The following FBXO25 variants were observed in gnomAD, a reference collection of about 807,000 sequenced individuals.
The protein encoded by FBXO25 is F-box protein 25, also known as F-box only protein 25.
In FBXO25, 45 loss-of-function variants were observed where a neutral mutation model predicts 51.9. The ratio of observed to expected loss-of-function variants is 0.87; its 90% CI spans 0.68 to 1.11. The LOEUF is 1.11. FBXO25 is among the 50% of genes most tolerant of loss of function. FBXO25 has a pLI of 0.00. For synonymous variants in FBXO25, 199 were observed against 151.0 expected, an observed-to-expected ratio of 1.32 and a Z score of -2.33; for missense variants, 507 against 428.5, an observed-to-expected ratio of 1.18 and a Z score of -1.62.
At chr8:413,353 G>C (rs1227646910) in intron 2 of FBXO25, 140 bp downstream of exon 2, 2 of 1,328,622 alleles carry the variant, frequency 1.5e-6, no homozygotes, top group Non-Finnish European at 1.9e-6. Flanking sequence ...AAGTTGTTTA[G>C]CTAAAAAATG....
At chr8:409,149 A>C (rs963437574) in intron 1 of FBXO25, among the ~76,000 whole-genome samples, 1 of 152,168 alleles carries the variant, frequency 6.6e-6, no homozygotes, top group African/African-American at 2.4e-5. Context: ...TCCAGACCCC[A>C]GACGTTTTAA....
intron 6 of FBXO25, chr8:450,922 C>G: frequency 4.8e-6 from 1 of 208,884 alleles, no homozygotes; most frequent in Non-Finnish European, 9.4e-6. Flanking sequence ...CCCCATTCCT[C>G]CTCCCCACCA....
rs1444778152 is a variant in FBXO25 at position 477,146 on chromosome 8, G to C, written c.*8342G>C. ...GTTTCATCCCACTGTGGCCAGAAAA[G>C]ATATTTTATTTCCTCAGTCTTTTGA... On this transcript the variant is annotated 3_prime_UTR_variant, in exon 10 of 10. Coordinates refer to ENST00000350302, the MANE Select transcript of FBXO25 (RefSeq NM_183420.2). 1 of 152,164 alleles carries C rather than the reference G, an allele frequency of 6.6e-6. No homozygotes were observed. The highest frequency in any genetic ancestry group is 2.4e-5 in the African/African-American group (1 of 41,434). The allele number at this position is 152,164 out of a possible 1,614,324, so 9.4% of individuals were successfully genotyped here.
At chr8:455,729 C>A (rs1480128543) in intron 7 of FBXO25, among the ~76,000 whole-genome samples, 1 of 152,214 alleles carries the variant, frequency 6.6e-6, no homozygotes, top group Non-Finnish European at 1.5e-5. Flanking sequence ...TTTCTTCCTT[C>A]CAGTGCAGTG....
At chr8:409,755 T>A (rs951962128) in intron 1 of FBXO25, among the ~76,000 whole-genome samples, 3 of 152,162 alleles carry the variant, frequency 2.0e-5, no homozygotes, top group African/African-American at 7.2e-5. Flanking sequence ...TTTTTCTGTC[T>A]CCATGTTTTT....
rs1322116403 is a variant in FBXO25 at position 475,230 on chromosome 8, C to T, written c.*6426C>T. 1 of 278,094 alleles carries T rather than the reference C, an allele frequency of 3.6e-6. No individual in the cohort carries two copies. Among genetic ancestry groups the T allele is most frequent in the Admixed American group, 5.1e-5 (1 of 19,540 alleles). The allele number at this position is 278,094 out of a possible 1,614,324, so 17.2% of individuals were successfully genotyped here. ...TTTCTCCCTTGAATGGTCTTGGCAC[C>T]ATCAAAAATCATTTGACCCATATGT... is the stretch of plus-strand genomic sequence containing the variant. On this transcript the variant is annotated 3_prime_UTR_variant, in exon 10 of 10. Transcript: ENST00000350302.
intron 7 of FBXO25, among the ~76,000 whole-genome samples, chr8:455,573 ATC>A (rs1450119919): frequency 1.3e-5 from 2 of 152,188 alleles, no homozygotes; most frequent in African/African-American, 4.8e-5. Flanking sequence ...ACTCATCTGT[ATC>A]TCTGTTTTTT....
chr8:413,395 G>A (rs1489366084), intron 2 of FBXO25, among the ~76,000 whole-genome samples, 182 bp downstream of exon 2: 1 of 151,994 alleles, frequency 6.6e-6, no homozygotes, highest in Non-Finnish European at 1.5e-5. Context: ...TTCATACACA[G>A]ATGCTTTCGT....
At chr8:444,976 T>C (rs1461461979) in intron 5 of FBXO25, among the ~76,000 whole-genome samples, 1 of 152,244 alleles carries the variant, frequency 6.6e-6, no homozygotes, top group Non-Finnish European at 1.5e-5. Context: ...AAAAACTTCC[T>C]ACAATATTTG....
At chr8:409,565 A>G (rs1475196757) in intron 1 of FBXO25, among the ~76,000 whole-genome samples, 1 of 152,220 alleles carries the variant, frequency 6.6e-6, no homozygotes, top group African/African-American at 2.4e-5. Context: ...TGTTATAAAG[A>G]TTGTGAAACT....
At chr8:450,513 A>T (rs1799012583) in intron 6 of FBXO25, among the ~76,000 whole-genome samples, 1 of 152,198 alleles carries the variant, frequency 6.6e-6, no homozygotes, top group Admixed American at 6.5e-5. Flanking sequence ...TTTAAATTTC[A>T]CACCATGACT....
intron 1 of FBXO25, among the ~76,000 whole-genome samples, chr8:409,556 G>A (rs529463112): frequency 6.6e-6 from 1 of 152,296 alleles, no homozygotes; most frequent in East Asian, 1.9e-4. Flanking sequence ...TTATGTAAAT[G>A]TTATAAAGAT....
intron 2 of FBXO25, among the ~76,000 whole-genome samples, chr8:417,280 A>T (rs897515006): frequency 7.9e-5 from 12 of 152,204 alleles, no homozygotes; most frequent in African/African-American, 2.9e-4. Flanking sequence ...CCTATGCTTT[A>T]ACAGGATTAT....
intron 7 of FBXO25, among the ~76,000 whole-genome samples, chr8:455,434 A>C (rs1799361166): frequency 6.6e-6 from 1 of 152,160 alleles, no homozygotes; most frequent in Non-Finnish European, 1.5e-5. Context: ...ATTGAGGGAG[A>C]CTTCAGTGAC....
intron 2 of FBXO25, among the ~76,000 whole-genome samples, chr8:414,491 G>T (rs189888032): frequency 1.2e-4 from 18 of 152,272 alleles, no homozygotes; most frequent in Non-Finnish European, 2.5e-4. Context: ...AATGCTTGAA[G>T]TGCAGTGTTA....
At position 471,628 on chromosome 8, in the gene FBXO25, C is replaced by T. The variant is rs1042348454; in HGVS notation, c.*2824C>T. On this transcript the variant is annotated 3_prime_UTR_variant, in exon 10 of 10. Coordinates refer to ENST00000350302, the MANE Select transcript of FBXO25 (RefSeq NM_183420.2). Reference sequence around the variant, plus strand: ...CTCCAGTCATTCTCGGACCTGTTCTCAGTCTGCGCTGCTCACTCAGGGCTG... The same window carrying T: ...CTCCAGTCATTCTCGGACCTGTTCTTAGTCTGCGCTGCTCACTCAGGGCTG... The T allele has an allele frequency of 3.3e-5, 5 of 152,230 alleles. No homozygotes were observed. Among genetic ancestry groups the T allele is most frequent in the Admixed American group, 1.3e-4 (2 of 15,290 alleles). 9.4% of individuals were successfully genotyped at this position (152,230 alleles called of 1,614,324 possible).
At chr8:455,912 T>C (rs11997755) in intron 7 of FBXO25, among the ~76,000 whole-genome samples, 6,014 of 152,298 alleles carry the variant, frequency 0.039, 333 homozygotes, top group African/African-American at 0.12. Context: ...CCTCTTGTTA[T>C]AGCCATTAAC....
chr8:468,238 G>T, intron 9 of FBXO25: 1 of 1,010,760 alleles, frequency 9.9e-7, no homozygotes, highest in Non-Finnish European at 1.2e-6. Flanking sequence ...CTGAGGCCGT[G>T]TGTCCCCCTC....
chr8:413,778 C>G (rs575119623), intron 2 of FBXO25, among the ~76,000 whole-genome samples: 79 of 152,276 alleles, frequency 5.2e-4, no homozygotes, highest in African/African-American at 1.9e-3. Flanking sequence ...TGGCACAGCC[C>G]AAAAGTTACA....
Sources: allele counts gnomAD v4.1 joint callset (sites outside exome capture counted in the v4.1 genomes callset), GRCh38; gene constraint gnomAD v4.1.1; transcripts MANE v1.5; gene names NCBI Gene and HGNC (gene_info 2026-07-23, HGNC 2026-07-21).